The following PIK3CD variants were observed in gnomAD, a reference collection of about 807,000 sequenced individuals.
PIK3CD encodes the protein phosphatidylinositol-4,5-bisphosphate 3-kinase catalytic subunit delta.
Under a neutral mutation model 122.9 loss-of-function variants are expected in PIK3CD, and 20 were observed. The ratio of observed to expected loss-of-function variants is 0.16; its 90% confidence interval spans 0.11 to 0.24. The LOEUF is 0.24. PIK3CD is among the 10% of genes least tolerant of loss of function. PIK3CD has a pLI of 1.00. For synonymous variants in PIK3CD, 596 were observed against 593.4 expected, an observed-to-expected ratio of 1.00 and a Z score of -0.06; for missense variants, 787 against 1,406.3, an observed-to-expected ratio of 0.56 and a Z score of 7.04.
chr1:9,652,041 C>A lies in PIK3CD; in HGVS notation c.-138+239C>A, dbSNP rs74730352. ...GGCTGCCCTAGAGGCCCGGGGCCGTCCCCCGTGGGCCCGCCGAGAGGGGCG... is the reference window on the plus strand; with the variant it reads ...GGCTGCCCTAGAGGCCCGGGGCCGTACCCCGTGGGCCCGCCGAGAGGGGCG... On this transcript the variant is annotated intron_variant, in intron 1 of 23. Coordinates refer to ENST00000377346, the MANE Select transcript of PIK3CD (RefSeq NM_005026.5). The surrounding 1 kb of genome is among the most constrained non-coding windows in gnomAD (Gnocchi z 6.2). Among the ~76,000 whole-genome samples the A allele has an allele frequency of 0.21, 32,363 of 151,676 alleles. 3,714 individuals are homozygous for A. Among genetic ancestry groups the A allele is most frequent in the African/African-American group, 0.29 (12,085 of 41,416 alleles).
rs145697393 is a variant in PIK3CD, at chr1:9,716,547, G to A, written c.708G>A (p.Pro236=). ...TVFRQPLVEQ[P]EDYTLQVNGR... ...TCCGGCAGCCGCTGGTGGAGCAGCCGGAAGACTACACGCTGCAGGTGAACG... is the reference window on the plus strand; with the variant it reads ...TCCGGCAGCCGCTGGTGGAGCAGCCAGAAGACTACACGCTGCAGGTGAACG... The change falls in exon 6 of 24, where the codon CCG becomes CCA. Residue 236 remains proline (P), a synonymous_variant. Transcript: ENST00000377346. 8.8e-4 allele frequency: 1,423 copies of A among 1,608,014 alleles called. 12 individuals are homozygous for A. In the African/African-American group the frequency reaches 0.015, roughly 17 times the overall value.
upstream of PIK3CD, among the ~76,000 whole-genome samples, chr1:9,647,131 T>C (rs542846867): frequency 5.4e-5 from 8 of 148,496 alleles, no homozygotes; most frequent in South Asian, 1.7e-3. Flanking sequence ...AAGTCAAGAC[T>C]GGCAGGGCAG....
In PIK3CD at chr1:9,721,415, C is replaced by T. The variant is rs769246112; in HGVS notation, c.1812-29C>T. ...CCCTCCTGTCCTGAGTCGGGGAGCT[C>T]CAGGCCCCAGCGCCTTCCTTCCCTG... On this transcript the variant is annotated intron_variant, in intron 14 of 23. Transcript: ENST00000377346. 1.9e-6 allele frequency: 3 copies of T among 1,612,396 alleles called. No homozygotes were observed. In the South Asian group the frequency reaches 3.3e-5, roughly 18 times the overall value.
In PIK3CD at chr1:9,721,162, C is replaced by A; in HGVS notation, c.1725C>A (p.Pro575=). The change falls in exon 14 of 24, where the codon CCC becomes CCA. Residue 575 remains proline (P), a synonymous_variant. Coordinates refer to ENST00000377346, the MANE Select transcript of PIK3CD (RefSeq NM_005026.5). Reference sequence around the variant, plus strand: ...TGCTGTGCTCCTGGCCGGAGCTGCCCGTCCTGAGCGCCCTGGAGCTGCTAG... The same window carrying A: ...TGCTGTGCTCCTGGCCGGAGCTGCCAGTCCTGAGCGCCCTGGAGCTGCTAG... ...LYLLCSWPEL[P]VLSALELLDF... is the part of the protein sequence containing the mutation. 1 of 1,613,008 alleles carries A rather than the reference C, an allele frequency of 6.2e-7. No individual in the cohort carries two copies. The highest frequency in any genetic ancestry group is 8.5e-7 in the Non-Finnish European group (1 of 1,179,970).
the PIK3CD span, among the ~76,000 whole-genome samples, chr1:9,640,088 A>T: frequency 6.6e-5 from 10 of 151,138 alleles, no homozygotes; most frequent in Non-Finnish European, 1.2e-4. Flanking sequence ...AGCTTTGGCC[A>T]CTGGAAGCTT....
At chr1:9,662,313 T>C (rs144853723) in intron 1 of PIK3CD, 1 of 154,662 alleles carries the variant, frequency 6.5e-6, no homozygotes, top group South Asian at 2.0e-4. Flanking sequence ...ACGGATCTTT[T>C]TGTGGTCATT....
chr1:9,716,489 T>C lies in PIK3CD; in HGVS notation c.650T>C (p.Met217Thr). Residue 217 changes from methionine to threonine, a missense_variant, in exon 6 of 24, where the codon ATG (methionine) becomes ACG (threonine). By Grantham distance (81) the Met-to-Thr change is moderately conservative (BLOSUM62 -1). This residue lies in a region of PIK3CD where 592 missense variants were observed against 920.6 expected (regional missense o/e 0.64). Coordinates refer to ENST00000377346, the MANE Select transcript of PIK3CD (RefSeq NM_005026.5). ...ACCAAGGACGTGCCGCTGGCGCTGA[T>C]GGCCTGTGCCCTGCGGAAGAAGGCC... ...VSTKDVPLAL[M>T]ACALRKKATV... is the part of the protein sequence containing the mutation. The C allele has an allele frequency of 6.2e-7, 1 of 1,611,118 alleles. No individual in the cohort carries two copies. Among genetic ancestry groups the C allele is most frequent in the Non-Finnish European group, 8.5e-7 (1 of 1,179,914 alleles).
At chr1:9,716,341 C>A in intron 5 of PIK3CD, 99 bp from the exon 6 acceptor site, 1 of 1,189,796 alleles carries the variant, frequency 8.4e-7, no homozygotes, top group Non-Finnish European at 1.2e-6. Context: ...TGTGAACTCC[C>A]CAGACCCTAC....
At chr1:9,714,504 TTTTG>T (rs1392311369) in intron 3 of PIK3CD, among the ~76,000 whole-genome samples, 1 of 152,132 alleles carries the variant, frequency 6.6e-6, no homozygotes, top group Non-Finnish European at 1.5e-5. Flanking sequence ...TTAGGGGTTT[TTTTG>T]TTTGTTTTTT....
chr1:9,667,789 T>TGCACTGGAGC (rs1645205550), intron 1 of PIK3CD, among the ~76,000 whole-genome samples: 1 of 149,628 alleles, frequency 6.7e-6, no homozygotes, highest in Non-Finnish European at 1.5e-5. Flanking sequence ...CACACTGGAG[T>TGCACTGGAGC]GCACTGGAGC....
intron 1 of PIK3CD, among the ~76,000 whole-genome samples, chr1:9,678,663 G>C (rs1645631155): frequency 6.6e-6 from 1 of 152,212 alleles, no homozygotes; most frequent in Non-Finnish European, 1.5e-5. Context: ...TGTCGTATGA[G>C]ATTCTGACTC....
Position 9,710,445 on chromosome 1 carries a change from A to G in PIK3CD, c.-11A>G. The G allele has an allele frequency of 6.2e-7, 1 of 1,614,054 alleles. No individual in the cohort carries two copies. Among genetic ancestry groups the G allele is most frequent in the Non-Finnish European group, 8.5e-7 (1 of 1,179,964 alleles). On this transcript the variant is annotated 5_prime_UTR_variant, in exon 3 of 24. It removes the in-frame stop codon of an upstream open reading frame in the 5' UTR. Transcript: ENST00000377346. The surrounding 1 kb of genome is among the most constrained non-coding windows in gnomAD (Gnocchi z 4.7). ...TTAGGACAACTGTCATCTGGGAAGT[A>G]ACAACGCAGGATGCCCCCTGGGGTG...
At chr1:9,655,968 A>G (rs1644844495) in intron 1 of PIK3CD, among the ~76,000 whole-genome samples, 1 of 152,172 alleles carries the variant, frequency 6.6e-6, no homozygotes, top group Admixed American at 6.5e-5. Flanking sequence ...GAGCGCTAGG[A>G]TTAAAGGCGT....
the PIK3CD span, among the ~76,000 whole-genome samples, chr1:9,641,050 C>G: frequency 6.6e-6 from 1 of 152,188 alleles, no homozygotes; most frequent in East Asian, 1.9e-4. Context: ...TCTCTCCCCT[C>G]CTATCTTACA....
rs1647491201 is a variant in PIK3CD at position 9,716,592 on chromosome 1, T to C, written c.753T>C (p.Tyr251=). The C allele has an allele frequency of 8.9e-6, 14 of 1,573,160 alleles. No homozygotes were observed. The highest frequency in any genetic ancestry group is 1.9e-5 in the Admixed American group (1 of 53,246). ...LQVNGRHEYL[Y]GSYPLCQFQY... is the part of the protein sequence containing the mutation. ...TGAACGGCAGGCATGAGTACCTGTATGGCAGCTACCCGCTCTGCCAGTTCC... is the reference window on the plus strand; with the variant it reads ...TGAACGGCAGGCATGAGTACCTGTACGGCAGCTACCCGCTCTGCCAGTTCC... The change falls in exon 6 of 24, where the codon TAT becomes TAC. Residue 251 remains tyrosine, a synonymous_variant. Transcript: ENST00000377346.
chr1:9,723,915 G>C lies in PIK3CD; in HGVS notation c.2595-54G>C. The C allele has an allele frequency of 1.3e-6, 2 of 1,564,194 alleles. No homozygotes were observed. Among genetic ancestry groups the C allele is most frequent in the Non-Finnish European group, 1.8e-6 (2 of 1,135,906 alleles). On this transcript the variant is annotated intron_variant, in intron 20 of 23. Coordinates refer to ENST00000377346, the MANE Select transcript of PIK3CD (RefSeq NM_005026.5). This position sits in a 1 kb window ranked among gnomAD's most constrained non-coding sequence, Gnocchi z 4.9. ...GAGAGGGAGTAATAACCCACCTCTT[G>C]ATAGGCGGAGCTGCAAAATGGTATG... is the stretch of plus-strand genomic sequence containing the variant.
chr1:9,645,148 G>C, the PIK3CD span, among the ~76,000 whole-genome samples: 1 of 150,932 alleles, frequency 6.6e-6, no homozygotes. Context: ...GCCTCAACCG[G>C]TAGCTGGGAT....
rs774523540 is a variant in PIK3CD at position 9,720,914 on chromosome 1, G to T, written c.1689+5G>T. 18 of 1,581,118 alleles carry T rather than the reference G, an allele frequency of 1.1e-5. No individual in the cohort carries two copies. In the East Asian group the frequency reaches 3.2e-4, roughly 29 times the overall value. On this transcript the variant is annotated splice_donor_5th_base_variant and intron_variant, in intron 13 of 23. Coordinates refer to ENST00000377346, the MANE Select transcript of PIK3CD (RefSeq NM_005026.5). This position sits in a 1 kb window ranked among gnomAD's most constrained non-coding sequence, Gnocchi z 9.0. Reference sequence around the variant, plus strand: ...AAGCATGAGGATGTGGCCCAGGTGGGTGGGGAGGCGCACCTGGGGGCGGAG... The same window carrying T: ...AAGCATGAGGATGTGGCCCAGGTGGTTGGGGAGGCGCACCTGGGGGCGGAG...
chr1:9,681,333 G>A (rs891700676), intron 1 of PIK3CD, among the ~76,000 whole-genome samples: 3 of 151,778 alleles, frequency 2.0e-5, no homozygotes, highest in Admixed American at 6.5e-5. Context: ...CAGCTCCTGG[G>A]CTCAAGCAAC....
Sources: allele counts gnomAD v4.1 joint callset (sites outside exome capture counted in the v4.1 genomes callset), GRCh38; gene constraint gnomAD v4.1.1; regional missense constraint gnomAD v4.1.1; non-coding constraint Gnocchi (gnomAD v3.1); transcripts MANE v1.5; gene names NCBI Gene and HGNC (gene_info 2026-07-23, HGNC 2026-07-21).